Variants in ATP2C2 observed in about 807,000 individuals in gnomAD.
ATP2C2 encodes calcium-transporting ATPase type 2C member 2.
In ATP2C2, 171 loss-of-function variants were observed where a neutral mutation model predicts 110.8. That is an observed-to-expected ratio of 1.54 (90% CI 1.36 to 1.75). The LOEUF is 1.75. ATP2C2 is among the 40% of genes most tolerant of loss of function. The pLI is 0.00. For synonymous variants in ATP2C2, 804 were observed against 508.4 expected (o/e 1.58, Z -7.82); for missense variants, 1,963 against 1,235.0 (o/e 1.59, Z -8.84).
Position 84,410,743 on chromosome 16 carries a change from C to G in ATP2C2, c.493C>G (p.Leu165Val), listed in dbSNP as rs247818. 3 of 1,614,166 alleles carry G rather than the reference C, an allele frequency of 1.9e-6. No individual in the cohort carries two copies. The highest frequency in any genetic ancestry group is 2.2e-5 in the East Asian group (1 of 44,892). The change falls in exon 6 of 27, where the codon CTG becomes GTG. Residue 165 changes from leucine (L) to valine (V), a missense_variant. Leu to Val is a conservative substitution (Grantham distance 32). Transcript: ENST00000262429. ...GAAATCTCTGGAAGAGCTGACCAAG[C>G]TGGTTCCTCCAGAATGTAACTGGTA... is the stretch of plus-strand genomic sequence containing the variant. The part of the protein sequence containing the change: ...SEKSLEELTK[L>V]VPPECNCLRE...
At position 84,410,622 on chromosome 16, in the gene ATP2C2, C is replaced by A; in HGVS notation, c.453+19C>A. ...CATCCAGGTGAGTATTTCCTGAGGT[C>A]CCAGTCAGGGTAAGCTGGGCGGGAC... On this transcript the variant is annotated intron_variant, in intron 5 of 26. Coordinates refer to ENST00000262429, the MANE Select transcript of ATP2C2 (RefSeq NM_014861.4). 6.2e-7 allele frequency: 1 copy of A among 1,613,974 alleles called. No homozygotes were observed. Among genetic ancestry groups the A allele is most frequent in the Non-Finnish European group, 8.5e-7 (1 of 1,179,940 alleles).
At chr16:84,369,582 A>C (rs1169142046) in intron 1 of ATP2C2, among the ~76,000 whole-genome samples, 1 of 152,142 alleles carries the variant, frequency 6.6e-6, no homozygotes, top group Non-Finnish European at 1.5e-5. Context: ...TGCTAATTAG[A>C]AATATGACTT....
At chr16:84,461,863 C>T (rs751636138) in intron 25 of ATP2C2, 51 bp downstream of exon 25, 1 of 1,608,314 alleles carries the variant, frequency 6.2e-7, no homozygotes, top group African/African-American at 1.3e-5. Context: ...GTGTTCTCGA[C>T]AGCAGCGCCC....
At position 84,463,799 on chromosome 16, in the gene ATP2C2, TCTC is replaced by T; in HGVS notation, c.*71_*73del. On this transcript the variant is annotated 3_prime_UTR_variant, in exon 27 of 27. Coordinates refer to ENST00000262429, the MANE Select transcript of ATP2C2 (RefSeq NM_014861.4). The stretch of plus-strand genomic sequence containing the variant: ...GGTTGTGACTGTGGCCCCTGCCGTG[TCTC>T]CTCGTCAGGGGAGACTTTTAGGAGG... 6.5e-6 allele frequency: 9 copies of T among 1,394,406 alleles called. No homozygotes were observed. Among genetic ancestry groups the T allele is most frequent in the Non-Finnish European group, 9.2e-6 (9 of 983,518 alleles). 86.4% of individuals were successfully genotyped at this position (1,394,406 alleles called of 1,614,324 possible).
chr16:84,448,477 C>T, intron 16 of ATP2C2, 56 bp from the exon 17 acceptor site: 2 of 1,548,640 alleles, frequency 1.3e-6, no homozygotes, highest in African/African-American at 1.4e-5. Flanking sequence ...GGGTGATGGT[C>T]AGTATGAACC....
At chr16:84,415,402 T>C (rs911720059) in intron 6 of ATP2C2, 81 bp from the exon 7 acceptor site, 2 of 1,182,296 alleles carry the variant, frequency 1.7e-6, no homozygotes, top group Admixed American at 3.4e-5. Flanking sequence ...TGTGTTTCTA[T>C]TCTCCTTGTT....
intron 6 of ATP2C2, 144 bp from the exon 7 acceptor site, chr16:84,415,339 C>A: frequency 1.4e-6 from 1 of 693,068 alleles, no homozygotes; most frequent in Non-Finnish European, 2.5e-6. Flanking sequence ...ATGTTAATTT[C>A]AAAATAATAA....
Position 84,372,364 on chromosome 16 carries a change from C to G in ATP2C2, c.99+3650C>G, listed in dbSNP as rs186440303. Among the ~76,000 whole-genome samples, 303 of 152,330 alleles carry G rather than the reference C, an allele frequency of 2.0e-3. 5 individuals are homozygous for G. The highest frequency in any genetic ancestry group is 2.1e-3 in the East Asian group (11 of 5,190). ...CTTTAACCCAAGGCTTGCCCAAACT[C>G]ACAGATCATTAGTGTTTCTCAGAAT... On this transcript the variant is annotated intron_variant, in intron 1 of 26. Transcript: ENST00000262429.
chr16:84,429,142 T>G (rs149927957), intron 11 of ATP2C2, among the ~76,000 whole-genome samples: 8,019 of 76,598 alleles, frequency 0.1, 222 homozygotes, highest in African/African-American at 0.13. Context: ...TGGCGTTGTT[T>G]TTTTTGTTTG....
chr16:84,448,386 A>G, intron 16 of ATP2C2, 147 bp from the exon 17 acceptor site: 1 of 991,632 alleles, frequency 1.0e-6, no homozygotes, highest in Middle Eastern at 3.3e-4. Context: ...CCTGTCCAGC[A>G]CCTGTGAACA....
intron 1 of ATP2C2, among the ~76,000 whole-genome samples, chr16:84,394,531 A>G (rs181364850): frequency 3.7e-4 from 57 of 152,152 alleles, no homozygotes; most frequent in Non-Finnish European, 5.1e-4. Context: ...TCCCAGGGCT[A>G]TGGTCACCGA....
chr16:84,434,006 T>G (rs780066498), intron 11 of ATP2C2, among the ~76,000 whole-genome samples: 18 of 152,144 alleles, frequency 1.2e-4, no homozygotes, highest in African/African-American at 1.7e-4. Context: ...TAGTGCCAGA[T>G]TAAAGCCGCT....
intron 2 of ATP2C2, among the ~76,000 whole-genome samples, chr16:84,402,679 T>C (rs1026736870): frequency 2.6e-5 from 4 of 152,238 alleles, no homozygotes; most frequent in Admixed American, 6.5e-5. Context: ...TAATGTGTTA[T>C]TGCATTCAAT....
At chr16:84,455,487 C>T (rs1484433777) in intron 21 of ATP2C2, among the ~76,000 whole-genome samples, 2 of 152,298 alleles carry the variant, frequency 1.3e-5, no homozygotes, top group South Asian at 2.1e-4. Flanking sequence ...CACGGAGGTG[C>T]TCTCTAGGTT....
intron 1 of ATP2C2, among the ~76,000 whole-genome samples, chr16:84,384,338 G>T (rs1352792242): frequency 6.6e-6 from 1 of 152,170 alleles, no homozygotes; most frequent in Non-Finnish European, 1.5e-5. Context: ...CAGGCTCGGG[G>T]ACGTCATAGG....
At chr16:84,463,239 C>T (rs16973874) in intron 26 of ATP2C2, among the ~76,000 whole-genome samples, 3 of 129,146 alleles carry the variant, frequency 2.3e-5, no homozygotes, top group Non-Finnish European at 5.0e-5. Flanking sequence ...GGGAACATGT[C>T]GGGGTGCACT....
intron 14 of ATP2C2, 41 bp from the exon 15 acceptor site, chr16:84,442,469 G>A: frequency 1.9e-6 from 3 of 1,597,382 alleles, no homozygotes. Context: ...TTTTTCATGA[G>A]CCCAGTACTA....
At chr16:84,406,108 T>G (rs945464750) in intron 3 of ATP2C2, among the ~76,000 whole-genome samples, 2 of 152,220 alleles carry the variant, frequency 1.3e-5, no homozygotes, top group African/African-American at 4.8e-5. Flanking sequence ...TGAGGAGCAG[T>G]GCAGAGCAGT....
intron 1 of ATP2C2, among the ~76,000 whole-genome samples, chr16:84,369,076 G>C (rs1051065243): frequency 6.6e-6 from 1 of 152,230 alleles, no homozygotes; most frequent in African/African-American, 2.4e-5. Context: ...CTGCTTTATG[G>C]ATTTTTAAAA....
Sources: gnomAD v4.1 joint callset for allele counts (sites outside exome capture counted in the v4.1 genomes callset) on GRCh38, gnomAD v4.1.1 for gene constraint, MANE v1.5 for transcripts, NCBI Gene and HGNC (gene_info 2026-07-23, HGNC 2026-07-21) for gene names.